The following DNAL4 variants were observed in gnomAD, a reference collection of about 807,000 sequenced individuals.
DNAL4 encodes the protein dynein axonemal light chain 4, also known as dynein light chain, outer arm 4.
Under a neutral mutation model 12.6 loss-of-function variants are expected in DNAL4, and 10 were observed. That is an observed-to-expected ratio of 0.79 (90% CI 0.49 to 1.34). The LOEUF (loss-of-function observed/expected upper bound fraction) is 1.34, where lower values mean the gene tolerates loss of function less well. Ranked by LOEUF, DNAL4 falls within the 40% of genes most tolerant of loss-of-function variation. The pLI is 0.00. For synonymous variants in DNAL4, 46 were observed against 53.1 expected, an observed-to-expected ratio of 0.87 and a Z score of 0.58; for missense variants, 128 against 138.1, an observed-to-expected ratio of 0.93 and a Z score of 0.37.
Position 38,779,421 on chromosome 22 carries a change from T to TGCAGGGGACGGG in DNAL4, c.*16_*27dup, listed in dbSNP as rs771733261. On this transcript the variant is annotated 3_prime_UTR_variant, in exon 4 of 4. Transcript: ENST00000216068. The surrounding 1 kb of genome is among the most constrained non-coding windows in gnomAD (Gnocchi z 4.3). ...CCAGATGAGTGGCAGGAAAAGGCCC[T>TGCAGGGGACGGG]GCAGGGGACGGGGCAGGGGACAGAG... The TGCAGGGGACGGG allele has an allele frequency of 3.2e-6, 5 of 1,550,286 alleles. No homozygotes were observed. Among genetic ancestry groups the TGCAGGGGACGGG allele is most frequent in the Non-Finnish European group, 4.4e-6 (5 of 1,145,950 alleles).
intron 1 of DNAL4, among the ~76,000 whole-genome samples, chr22:38,791,925 C>CAAA: frequency 6.6e-6 from 1 of 150,420 alleles, no homozygotes; most frequent in South Asian, 2.1e-4. Context: ...GGCTGGTCTC[C>CAAA]ATCGCCTGAC....
At chr22:38,784,002 C>T (rs567603642) in intron 1 of DNAL4, among the ~76,000 whole-genome samples, 3 of 151,774 alleles carry the variant, frequency 2.0e-5, no homozygotes, top group Admixed American at 6.5e-5. Context: ...CTGACATAAG[C>T]GGATACAAAT....
At chr22:38,786,337 T>A (rs1174973672) in intron 1 of DNAL4, among the ~76,000 whole-genome samples, 6 of 152,164 alleles carry the variant, frequency 3.9e-5, no homozygotes, top group Admixed American at 2.0e-4. Context: ...GGTGGGTGGA[T>A]CACTTGAGGT....
intron 1 of DNAL4, among the ~76,000 whole-genome samples, chr22:38,784,979 C>A (rs974317784): frequency 5.3e-5 from 8 of 149,568 alleles, no homozygotes; most frequent in Non-Finnish European, 9.0e-5. Flanking sequence ...GCACAGACCC[C>A]CCCCCCCATC....
intron 1 of DNAL4, among the ~76,000 whole-genome samples, chr22:38,791,870 GT>G (rs80109051): frequency 7.4e-4 from 103 of 139,970 alleles, no homozygotes; most frequent in Middle Eastern, 3.6e-3. Flanking sequence ...TTTGTGTGTT[GT>G]TTTTTTTTTT....
chr22:38,792,867 A>C (rs550182050), intron 1 of DNAL4, among the ~76,000 whole-genome samples: 2 of 152,328 alleles, frequency 1.3e-5, no homozygotes, highest in African/African-American at 4.8e-5. Flanking sequence ...AATAACAATA[A>C]AAGTGTAGGA....
intron 1 of DNAL4, among the ~76,000 whole-genome samples, chr22:38,789,323 T>C (rs2093047029): frequency 6.6e-6 from 1 of 152,098 alleles, no homozygotes; most frequent in Non-Finnish European, 1.5e-5. Flanking sequence ...TGGAGTGCGG[T>C]GGCATGATCA....
At position 38,784,792 on chromosome 22, in the gene DNAL4, C is replaced by T. The variant is rs113450679; in HGVS notation, c.-139-1922G>A. 2.4e-3 allele frequency among the ~76,000 whole-genome samples: 367 copies of T among 152,300 alleles called. 2 individuals are homozygous for T. Among genetic ancestry groups the T allele is most frequent in the Middle Eastern group, 0.02 (6 of 294 alleles). On this transcript the variant is annotated intron_variant, in intron 1 of 3. Coordinates refer to ENST00000216068, the MANE Select transcript of DNAL4 (RefSeq NM_005740.3). ...CCTCCGAAAGTGCTGGGATTACAGG[C>T]GTGAGCTACCGCGCCCAGCCTGCTG...
chr22:38,784,225 T>C (rs1481460897), intron 1 of DNAL4, among the ~76,000 whole-genome samples: 1 of 152,200 alleles, frequency 6.6e-6, no homozygotes, highest in African/African-American at 2.4e-5. Flanking sequence ...TTTACACACC[T>C]TGTCATCGCA....
chr22:38,790,094 G>A (rs1297537538), intron 1 of DNAL4, among the ~76,000 whole-genome samples: 5 of 152,002 alleles, frequency 3.3e-5, no homozygotes, highest in African/African-American at 1.2e-4. Context: ...CTCAAGTGAT[G>A]CTCCCACTTC....
rs766842087 is a variant in DNAL4 at position 38,794,106 on chromosome 22, G to A, written c.-178C>T. 1.3e-5 allele frequency: 2 copies of A among 152,202 alleles called. No individual in the cohort carries two copies. Among genetic ancestry groups the A allele is most frequent in the Non-Finnish European group, 2.9e-5 (2 of 68,052 alleles). 9.4% of individuals were successfully genotyped at this position (152,202 alleles called of 1,614,324 possible). ...GGCCGGAGCCGGGGCCGCAGCCAGC[G>A]AACCCCCGCCAGGGTTGTCAAGGAG... On this transcript the variant is annotated 5_prime_UTR_variant, in exon 1 of 4. Coordinates refer to ENST00000216068, the MANE Select transcript of DNAL4 (RefSeq NM_005740.3).
At chr22:38,780,870 A>G (rs2093033171) in intron 3 of DNAL4, 56 bp downstream of exon 3, 1 of 1,579,158 alleles carries the variant, frequency 6.3e-7, no homozygotes, top group Admixed American at 1.7e-5. Context: ...GGGCCACTTT[A>G]TTCACCCACA....
chr22:38,787,328 G>A (rs562354192), intron 1 of DNAL4, among the ~76,000 whole-genome samples: 3 of 150,704 alleles, frequency 2.0e-5, no homozygotes, highest in Non-Finnish European at 2.9e-5. Context: ...TGCAACCTCC[G>A]CCTCCCGGGT....
chr22:38,779,745 C>T lies in DNAL4; in HGVS notation c.154-132G>A, dbSNP rs1462772443. ...AGGCCTGCTGTCCTATTTCTCTTGT[C>T]CTCCTGCTTCAAAAAGGGTTTCCAC... On this transcript the variant is annotated intron_variant, in intron 3 of 3. Coordinates refer to ENST00000216068, the MANE Select transcript of DNAL4 (RefSeq NM_005740.3). This position sits in a 1 kb window ranked among gnomAD's most constrained non-coding sequence, Gnocchi z 4.3. 1.1e-5 allele frequency: 13 copies of T among 1,220,066 alleles called. No individual in the cohort carries two copies. The highest frequency in any genetic ancestry group is 1.3e-5 in the Non-Finnish European group (12 of 895,896). 75.6% of individuals were successfully genotyped at this position (1,220,066 alleles called of 1,614,324 possible).
chr22:38,792,811 C>T (rs2093053028), intron 1 of DNAL4, among the ~76,000 whole-genome samples: 2 of 152,048 alleles, frequency 1.3e-5, no homozygotes, highest in African/African-American at 2.4e-5. Context: ...AGACTGTTTA[C>T]GGTTAAATTT....
intron 1 of DNAL4, among the ~76,000 whole-genome samples, 163 bp from the exon 2 acceptor site, chr22:38,783,033 A>G (rs191347883): frequency 6.6e-6 from 1 of 152,276 alleles, no homozygotes; most frequent in East Asian, 1.9e-4. Context: ...AGTCAACACG[A>G]GATGCTGGGA....
intron 1 of DNAL4, among the ~76,000 whole-genome samples, chr22:38,788,155 CAG>C (rs142178345): frequency 0.017 from 2,516 of 152,206 alleles, 34 homozygotes; most frequent in South Asian, 0.052. Context: ...ACAAAGCTGA[CAG>C]GGGAGGAAAA....
At chr22:38,780,718 C>T (rs2093032950) in intron 3 of DNAL4, 2 of 553,348 alleles carry the variant, frequency 3.6e-6, no homozygotes, top group Middle Eastern at 9.7e-4. Flanking sequence ...TGTGGCTTTG[C>T]TCCTCTAGGG....
chr22:38,779,496 G>GGTAGA lies in DNAL4; in HGVS notation c.266_270dup (p.Leu91SerfsTer106). 1.3e-6 allele frequency: 2 copies of GGTAGA among 1,581,466 alleles called. No individual in the cohort carries two copies. The highest frequency in any genetic ancestry group is 1.7e-6 in the Non-Finnish European group (2 of 1,163,018). On this transcript the variant is annotated frameshift_variant, in exon 4 of 4. Coordinates refer to ENST00000216068, the MANE Select transcript of DNAL4 (RefSeq NM_005740.3). LOFTEE classifies it high-confidence loss of function. The surrounding 1 kb of genome is among the most constrained non-coding windows in gnomAD (Gnocchi z 4.3). ...ACAGCCAGGGTGCCCCCGAAGTACAGGTAGAGGAGGTTCTTCACCTCGTGG... is the reference window on the plus strand; with the variant it reads ...ACAGCCAGGGTGCCCCCGAAGTACAGGTAGAGTAGAGGAGGTTCTTCACCTCGTGG...
Sources: gnomAD v4.1 joint callset for allele counts (sites outside exome capture counted in the v4.1 genomes callset) on GRCh38, gnomAD v4.1.1 for gene constraint, Gnocchi (gnomAD v3.1) non-coding constraint, MANE v1.5 for transcripts, NCBI Gene and HGNC (gene_info 2026-07-23, HGNC 2026-07-21) for gene names.